B4GALNT2: variants seen among roughly 807,000 people sequenced by gnomAD.
The protein encoded by B4GALNT2 is N-acetylneuraminylgalactosylglucosyl-glucoside beta-1,4-N- acetylgalactosaminyltransferase 2.
A neutral mutation model predicts 51.1 loss-of-function variants in B4GALNT2; 42 were observed. The observed-to-expected ratio is 0.82, with a 90% CI of 0.64 to 1.06. The LOEUF is 1.06. B4GALNT2 is among the 50% of genes least tolerant of loss of function. The pLI is 0.00. For synonymous variants in B4GALNT2, 253 were observed against 251.7 expected (o/e 1.01, Z -0.05); for missense variants, 602 against 633.6 (o/e 0.95, Z 0.54).
chr17:49,141,387 A>G lies in B4GALNT2; in HGVS notation c.155A>G (p.Gln52Arg). The G allele has an allele frequency of 6.2e-7, 1 of 1,614,180 alleles. No individual in the cohort carries two copies. The highest frequency in any genetic ancestry group is 8.5e-7 in the Non-Finnish European group (1 of 1,180,020). ...CTCCCAAGTCCTGCCCCGGGTGTCC[A>G]GAAGCTGAAGCTTCTGCCTGAGGAA... Reference protein sequence around the residue: ...PELPSPAPGVQKLKLLPEERL... With the variant: ...PELPSPAPGVRKLKLLPEERL... The change falls in exon 2 of 11, where the codon CAG (glutamine) becomes CGG (arginine). Residue 52 changes from glutamine (Q) to arginine (R), a missense_variant. Gln to Arg is a conservative substitution (Grantham distance 43, BLOSUM62 1). Coordinates refer to ENST00000393354, the MANE Select transcript of B4GALNT2 (RefSeq NM_001159387.2).
Position 49,166,124 on chromosome 17 carries a change from C to T in B4GALNT2, c.965C>T (p.Ala322Val). 8 of 1,613,852 alleles carry T rather than the reference C, an allele frequency of 5.0e-6. No homozygotes were observed. The highest frequency in any genetic ancestry group is 5.9e-6 in the Non-Finnish European group (7 of 1,179,896). ...TCATTTCATCTACAGGGTTGGTTTG[C>T]TGGTAGGAACCTGGCCATATCTCAG... ...YTMPFGKGWF[A>V]GRNLAISQVT... The change falls in exon 9 of 11, where the codon GCT becomes GTT. Residue 322 changes from alanine (A) to valine (V), a missense_variant. Transcript: ENST00000393354.
At chr17:49,133,306 T>A in intron 1 of B4GALNT2, 5 of 1,391,690 alleles carry the variant, frequency 3.6e-6, no homozygotes, top group Non-Finnish European at 4.6e-6. Context: ...CCGCGCGGAG[T>A]CAGGGAAAAG....
chr17:49,129,792 G>T (rs12149969), upstream of B4GALNT2, among the ~76,000 whole-genome samples: 7 of 151,790 alleles, frequency 4.6e-5, no homozygotes, highest in Non-Finnish European at 8.8e-5. Flanking sequence ...CTCTGGTTGG[G>T]GAGGGATTTA....
In B4GALNT2 at chr17:49,169,630, G is replaced by A. The variant is rs1202011672; in HGVS notation, c.1423G>A (p.Glu475Lys). The stretch of plus-strand genomic sequence containing the variant: ...GGTGGACTCAGAACTGGCTGCCCTA[G>A]AGAAGACCTACAATACATACCGGTC... ...PVVDSELAAL[E>K]KTYNTYRSNT... Residue 475 changes from glutamate to lysine, a missense_variant, in exon 11 of 11, where the codon GAG (glutamate) becomes AAG (lysine). Physicochemically the swap from Glu to Lys is moderately conservative, Grantham distance 56. Coordinates refer to ENST00000393354, the MANE Select transcript of B4GALNT2 (RefSeq NM_001159387.2). 2.5e-6 allele frequency: 4 copies of A among 1,613,172 alleles called. No individual in the cohort carries two copies. The African/African-American group carries it at 5.3e-5, about 22-fold the overall frequency.
intron 3 of B4GALNT2, among the ~76,000 whole-genome samples, chr17:49,145,916 G>T (rs917724459): frequency 8.5e-5 from 13 of 152,150 alleles, no homozygotes; most frequent in African/African-American, 2.9e-4. Flanking sequence ...CACTTTAATG[G>T]AATTGTTGTT....
chr17:49,158,988 A>G (rs758102207), intron 5 of B4GALNT2, 49 bp from the exon 6 acceptor site: 1 of 1,580,842 alleles, frequency 6.3e-7, no homozygotes, highest in Admixed American at 1.7e-5. Flanking sequence ...TTCCAGGGAG[A>G]TATTTTCCAA....
rs534022971 is a variant in B4GALNT2 at position 49,175,922 on chromosome 17, G to C, written c.*6194G>C. On this transcript the variant is annotated 3_prime_UTR_variant, in exon 11 of 11. Coordinates refer to ENST00000393354, the MANE Select transcript of B4GALNT2 (RefSeq NM_001159387.2). ...GGGACAAACCTCTTCCTCATTTGCC[G>C]CTTTAGCTTCAGCCAGCAAACAAAC... 6.6e-6 allele frequency: 1 copy of C among 152,258 alleles called. No individual in the cohort carries two copies. The highest frequency in any genetic ancestry group is 2.4e-5 in the African/African-American group (1 of 41,544). The allele number at this position is 152,258 out of a possible 1,614,324, so 9.4% of individuals were successfully genotyped here. A position where few individuals can be genotyped will look rare whatever the true frequency, so the allele number is the denominator to read the frequency against.
Position 49,171,813 on chromosome 17 carries a change from ACATT to A in B4GALNT2, c.*2090_*2093del. On this transcript the variant is annotated 3_prime_UTR_variant, in exon 11 of 11. Transcript: ENST00000393354. ...TGCAATGCAATCTTCCCAAACAAGT[ACATT>A]CATTATTTCTGGCCAGGTCTAATTC... The A allele has an allele frequency of 2.5e-6, 1 of 403,216 alleles. No individual in the cohort carries two copies. Among genetic ancestry groups the A allele is most frequent in the Non-Finnish European group, 4.8e-6 (1 of 210,274 alleles). 25.0% of individuals were successfully genotyped at this position (403,216 alleles called of 1,614,324 possible). A position where few individuals can be genotyped will look rare whatever the true frequency, so the allele number is the denominator to read the frequency against.
chr17:49,152,770 C>G (rs1396106230), intron 3 of B4GALNT2, 30 bp from the exon 4 acceptor site: 2 of 1,465,190 alleles, frequency 1.4e-6, no homozygotes, highest in Non-Finnish European at 1.9e-6. Context: ...ATCAGGGCAG[C>G]TGCTGACGTT....
chr17:49,123,062 C>T, the B4GALNT2 span, among the ~76,000 whole-genome samples: 9 of 152,306 alleles, frequency 5.9e-5, no homozygotes, highest in African/African-American at 1.2e-4. Context: ...TTTCCTATTT[C>T]TTTACATTGA....
intron 4 of B4GALNT2, 95 bp downstream of exon 4, chr17:49,153,001 A>G (rs2042774330): frequency 1.8e-6 from 2 of 1,092,180 alleles, no homozygotes; most frequent in Non-Finnish European, 2.7e-6. Flanking sequence ...TCATGCCTGT[A>G]ATTCCAGCAC....
At chr17:49,126,199 C>T in the B4GALNT2 span, among the ~76,000 whole-genome samples, 381 of 152,240 alleles carry the variant, frequency 2.5e-3, 2 homozygotes, top group African/African-American at 8.8e-3. Flanking sequence ...TATGACCTTA[C>T]CCCCAACCCT....
rs976038163 is a variant in B4GALNT2, at chr17:49,173,797, G to A, written c.*4069G>A. On this transcript the variant is annotated 3_prime_UTR_variant, in exon 11 of 11. Transcript: ENST00000393354. ...ATCTTGCTCTTGAACAATAACACCA[G>A]TAGGTGAATGCCGAGTTGAAAAAAT... 1.3e-5 allele frequency: 2 copies of A among 152,190 alleles called. No individual in the cohort carries two copies. The highest frequency in any genetic ancestry group is 2.9e-5 in the Non-Finnish European group (2 of 68,034). 9.4% of individuals were successfully genotyped at this position (152,190 alleles called of 1,614,324 possible). A position where few individuals can be genotyped will look rare whatever the true frequency, so the allele number is the denominator to read the frequency against.
At chr17:49,122,124 G>A in the B4GALNT2 span, among the ~76,000 whole-genome samples, 1 of 152,194 alleles carries the variant, frequency 6.6e-6, no homozygotes, top group South Asian at 2.1e-4. Context: ...GCATGTCTCT[G>A]GTCGGGGAGG....
At chr17:49,125,766 G>GCCAGTCCGGCCGC in the B4GALNT2 span, among the ~76,000 whole-genome samples, 9 of 93,664 alleles carry the variant, frequency 9.6e-5, no homozygotes, top group East Asian at 1.1e-3. Context: ...TCAGCCCCCC[G>GCCAGTCCGGCCGC]CCCGTCCGGC....
chr17:49,133,179 TG>T, intron 1 of B4GALNT2: 1 of 1,512,828 alleles, frequency 6.6e-7, no homozygotes. Flanking sequence ...TGACCCAGCC[TG>T]GGGCCCGTTT....
chr17:49,142,733 A>C (rs1234957730), intron 3 of B4GALNT2, among the ~76,000 whole-genome samples: 1 of 152,002 alleles, frequency 6.6e-6, no homozygotes, highest in Non-Finnish European at 1.5e-5. Flanking sequence ...AACAAAAAAA[A>C]CAAAAGGAAT....
chr17:49,132,569 G>C, upstream of B4GALNT2: 1 of 425,930 alleles, frequency 2.3e-6, no homozygotes, highest in Non-Finnish European at 4.0e-6. Flanking sequence ...TCTTTAAGCG[G>C]GAGAGAGAAG....
At position 49,141,324 on chromosome 17, in the gene B4GALNT2, T is replaced by C. The variant is rs751147633; in HGVS notation, c.92T>C (p.Met31Thr). Residue 31 changes from methionine to threonine, a missense_variant, in exon 2 of 11, where the codon ATG (methionine) becomes ACG (threonine). Met to Thr is a moderately conservative substitution (Grantham distance 81). Transcript: ENST00000393354. ...ATTGTTGGATTTATGTTCGGAAGCA[T>C]GTTCCTTCAAGCAGTGTTCAGCAGC... Reference protein sequence around the residue: ...LGIVGFMFGSMFLQAVFSSPK... With the variant: ...LGIVGFMFGSTFLQAVFSSPK... 2.9e-5 allele frequency: 46 copies of C among 1,614,034 alleles called. No homozygotes were observed. Among genetic ancestry groups the C allele is most frequent in the Non-Finnish European group, 3.6e-5 (42 of 1,179,990 alleles).
Sources: allele counts gnomAD v4.1 joint callset (sites outside exome capture counted in the v4.1 genomes callset), GRCh38; gene constraint gnomAD v4.1.1; transcripts MANE v1.5; gene names NCBI Gene and HGNC (gene_info 2026-07-23, HGNC 2026-07-21).